The following HDAC2 variants were observed in gnomAD, a reference collection of about 807,000 sequenced individuals.
HDAC2 encodes YY1-associated factor 1.
HDAC2 carries 5 observed loss-of-function variants against 68.5 expected under a neutral mutation model. That is an observed-to-expected ratio of 0.07 (90% CI 0.04 to 0.15). The LOEUF (loss-of-function observed/expected upper bound fraction) is 0.15, where lower values mean the gene tolerates loss of function less well. Ranked by LOEUF, HDAC2 falls within the 10% of genes least tolerant of loss-of-function variation. The pLI is 1.00. For synonymous variants in HDAC2, 182 were observed against 191.3 expected (o/e 0.95, Z 0.40); for missense variants, 291 against 600.8 (o/e 0.48, Z 5.39).
Position 113,938,685 on chromosome 6 carries a change from C to T in HDAC2, c.*2373G>A, listed in dbSNP as rs1776060624. On this transcript the variant is annotated 3_prime_UTR_variant, in exon 14 of 14. Coordinates refer to ENST00000519065, the MANE Select transcript of HDAC2 (RefSeq NM_001527.4). ...GAATTTTTTAAAGTATTAGGGTATT[C>T]TGACATCTTACTATGTTACATTGAC... The T allele has an allele frequency of 6.6e-6, 1 of 152,080 alleles. No individual in the cohort carries two copies. Among genetic ancestry groups the T allele is most frequent in the Non-Finnish European group, 1.5e-5 (1 of 68,018 alleles). 9.4% of individuals were successfully genotyped at this position (152,080 alleles called of 1,614,324 possible). A position where few individuals can be genotyped will look rare whatever the true frequency, so the allele number is the denominator to read the frequency against.
In HDAC2 at chr6:113,953,887, CAA is replaced by C. The variant is rs965041887; in HGVS notation, c.498-471_498-470del. Among the ~76,000 whole-genome samples the C allele has an allele frequency of 7.9e-5, 12 of 152,128 alleles. No individual in the cohort carries two copies. The East Asian group carries it at 1.7e-3, about 22-fold the overall frequency. ...AAATGGTTTAAAAACAAAACCAAAA[CAA>C]GAGTATTTTCTGACGTGTGATAATT... On this transcript the variant is annotated intron_variant, in intron 5 of 13. Transcript: ENST00000519065.
intron 8 of HDAC2, chr6:113,947,558 C>T (rs953462493): frequency 6.6e-5 from 10 of 151,994 alleles, no homozygotes; most frequent in Non-Finnish European, 1.0e-4. Context: ...ATATTAAGTA[C>T]AAAAACATTA....
At chr6:113,959,596 TAAAA>T (rs771822379) in intron 2 of HDAC2, 19 of 122,258 alleles carry the variant, frequency 1.6e-4, no homozygotes, top group East Asian at 4.6e-4. Flanking sequence ...ACAATTATTG[TAAAA>T]AAAAAAAAAA....
chr6:113,942,612 C>G (rs1434971052), intron 12 of HDAC2, among the ~76,000 whole-genome samples: 1 of 152,034 alleles, frequency 6.6e-6, no homozygotes, highest in African/African-American at 2.4e-5. Context: ...GCTGAGAATA[C>G]AAATATTTAA....
chr6:113,965,043 GC>G (rs1462332570), intron 1 of HDAC2, among the ~76,000 whole-genome samples: 2 of 152,150 alleles, frequency 1.3e-5, no homozygotes, highest in Non-Finnish European at 2.9e-5. Flanking sequence ...CTTGCTTCCA[GC>G]CTATATTCCA....
intron 1 of HDAC2, among the ~76,000 whole-genome samples, chr6:113,964,601 G>A (rs186386115): frequency 3.3e-5 from 5 of 152,174 alleles, no homozygotes; most frequent in African/African-American, 1.2e-4. Flanking sequence ...TCTTCTCTCG[G>A]GAGTTAAGTC....
intron 3 of HDAC2, among the ~76,000 whole-genome samples, chr6:113,957,708 G>A (rs1051431848): frequency 6.6e-6 from 1 of 151,874 alleles, no homozygotes; most frequent in South Asian, 2.1e-4. Flanking sequence ...GGCTGGTTTC[G>A]AACTCCTGAC....
At chr6:113,943,554 T>G in intron 11 of HDAC2, 48 bp from the exon 12 acceptor site, 3 of 1,485,020 alleles carry the variant, frequency 2.0e-6, no homozygotes, top group South Asian at 1.3e-5. Context: ...TCACAGGTTT[T>G]ATAATCATTA....
At chr6:113,947,023 T>C (rs1776278907) in intron 8 of HDAC2, 2 of 152,168 alleles carry the variant, frequency 1.3e-5, no homozygotes, top group Non-Finnish European at 2.9e-5. Flanking sequence ...TGTAACTGTA[T>C]ACTGTGGGAA....
At chr6:113,957,697 AG>A (rs1562146718) in intron 3 of HDAC2, among the ~76,000 whole-genome samples, 1 of 152,124 alleles carries the variant, frequency 6.6e-6, no homozygotes, top group Non-Finnish European at 1.5e-5. Flanking sequence ...CATGTTGGCC[AG>A]GCTGGTTTCG....
rs1776966643 is a variant in HDAC2, at chr6:113,970,553, CG to C, written c.52+303del. ...CCCTTCGCCGCCGCCACCACCAAGG[CG>C]GGGTAGGCCGGCGCCGTCCCCAGCG... is the stretch of plus-strand genomic sequence containing the variant. On this transcript the variant is annotated intron_variant, in intron 1 of 13. Transcript: ENST00000519065. The C allele has an allele frequency of 2.5e-6, 3 of 1,223,704 alleles. No individual in the cohort carries two copies. In the South Asian group the frequency reaches 9.3e-5, roughly 38 times the overall value. 75.8% of individuals were successfully genotyped at this position (1,223,704 alleles called of 1,614,324 possible). A position where few individuals can be genotyped will look rare whatever the true frequency, so the allele number is the denominator to read the frequency against.
intron 6 of HDAC2, among the ~76,000 whole-genome samples, chr6:113,952,712 AAAGAC>A (rs1776449036): frequency 6.6e-6 from 1 of 152,224 alleles, no homozygotes; most frequent in Admixed American, 6.5e-5. Context: ...CAGAGTCATA[AAAGAC>A]AAGAGCATCA....
At chr6:113,959,853 TAAA>T (rs903784239) in intron 2 of HDAC2, 50 bp downstream of exon 2, 1 of 741,134 alleles carries the variant, frequency 1.3e-6, no homozygotes, top group Non-Finnish European at 2.3e-6. Flanking sequence ...TCACAGTAGC[TAAA>T]AAAAAATAAA....
At chr6:113,960,076 T>C (rs772731955) in intron 1 of HDAC2, 58 bp from the exon 2 acceptor site, 5 of 846,872 alleles carry the variant, frequency 5.9e-6, no homozygotes, top group African/African-American at 3.4e-5. Flanking sequence ...CATGAACTAT[T>C]TGAATTTATG....
rs1041288326 is a variant in HDAC2 at position 113,936,252 on chromosome 6, TAAGAG to T, written c.*4801_*4805del. On this transcript the variant is annotated 3_prime_UTR_variant, in exon 14 of 14. Coordinates refer to ENST00000519065, the MANE Select transcript of HDAC2 (RefSeq NM_001527.4). The stretch of plus-strand genomic sequence containing the variant: ...TTGTTACATGGCCACCAAGTGACTA[TAAGAG>T]AAAACACACAGAAAAAAAAATTTTA... 1 of 152,136 alleles carries T rather than the reference TAAGAG, an allele frequency of 6.6e-6. No homozygotes were observed. Among genetic ancestry groups the T allele is most frequent in the African/African-American group, 2.4e-5 (1 of 41,424 alleles). 9.4% of individuals were successfully genotyped at this position (152,136 alleles called of 1,614,324 possible). A position where few individuals can be genotyped will look rare whatever the true frequency, so the allele number is the denominator to read the frequency against.
At chr6:113,944,435 T>A in intron 10 of HDAC2, 25 bp from the exon 11 acceptor site, 1 of 1,596,960 alleles carries the variant, frequency 6.3e-7, no homozygotes, top group Non-Finnish European at 8.5e-7. Context: ...CAAAGTTTAT[T>A]AGACAAAATT....
chr6:113,954,930 A>G (rs545888087), intron 5 of HDAC2, among the ~76,000 whole-genome samples: 65 of 152,336 alleles, frequency 4.3e-4, no homozygotes, highest in African/African-American at 1.6e-3. Flanking sequence ...ATAAGGAAAA[A>G]TAACTCCTTC....
intron 8 of HDAC2, chr6:113,947,825 A>C (rs1562142270): frequency 6.6e-6 from 1 of 152,154 alleles, no homozygotes; most frequent in Non-Finnish European, 1.5e-5. Context: ...TCATAACATT[A>C]AATAAAGAAG....
intron 1 of HDAC2, among the ~76,000 whole-genome samples, chr6:113,960,656 T>C (rs1776661713): frequency 6.6e-6 from 1 of 152,082 alleles, no homozygotes; most frequent in South Asian, 2.1e-4. Flanking sequence ...TATATCACAA[T>C]GTCTTTAAAC....
Sources: allele counts gnomAD v4.1 joint callset (sites outside exome capture counted in the v4.1 genomes callset), GRCh38; gene constraint gnomAD v4.1.1; transcripts MANE v1.5; gene names NCBI Gene and HGNC (gene_info 2026-07-23, HGNC 2026-07-21).